Variants in PCDHA9 observed in about 807,000 individuals in gnomAD.
PCDHA9 encodes the protein protocadherin alpha-9.
A neutral mutation model predicts 62.0 loss-of-function variants in PCDHA9; 62 were observed. The ratio of observed to expected loss-of-function variants is 1.00; its 90% CI spans 0.81 to 1.23. PCDHA9 has a LOEUF of 1.23. Among genes scored for constraint, PCDHA9 ranks in the 50% most tolerant of loss-of-function variants. The pLI, the probability that PCDHA9 is intolerant of heterozygous loss-of-function variation, is 0.00. For synonymous variants in PCDHA9, 557 were observed against 567.6 expected, an observed-to-expected ratio of 0.98 and a Z score of 0.27; for missense variants, 1,205 against 1,249.8, an observed-to-expected ratio of 0.96 and a Z score of 0.54.
chr5:140,973,126 T>C (rs1554234908), intron 1 of PCDHA9, among the ~76,000 whole-genome samples: 1 of 152,144 alleles, frequency 6.6e-6, no homozygotes, highest in Non-Finnish European at 1.5e-5. Flanking sequence ...ATGAATTAAG[T>C]TTGCATTCAC....
At chr5:140,876,039 T>C in intron 1 of PCDHA9, 1 of 1,613,746 alleles carries the variant, frequency 6.2e-7, no homozygotes, top group Non-Finnish European at 8.5e-7. Context: ...AAGATAAAAG[T>C]ATATTGCCTG....
At chr5:140,961,876 T>G (rs929753490) in intron 1 of PCDHA9, among the ~76,000 whole-genome samples, 1 of 151,746 alleles carries the variant, frequency 6.6e-6, no homozygotes, top group South Asian at 2.1e-4. Context: ...ATAATTGACT[T>G]ACTTACATCA....
In PCDHA9 at chr5:140,862,738, T is replaced by C. The variant is rs189052602; in HGVS notation, c.2394+11849T>C. 560 of 577,110 alleles carry C rather than the reference T, an allele frequency of 9.7e-4. 3 individuals are homozygous for C. The highest frequency in any genetic ancestry group is 1.5e-3 in the Non-Finnish European group (445 of 297,984). 35.7% of individuals were successfully genotyped at this position (577,110 alleles called of 1,614,324 possible). ...CGAGTGCGCGCTGTCTAGCTATGTG[T>C]GGGTGCACGCGGAGAGCGGCAAGAG... On this transcript the variant is annotated intron_variant, in intron 1 of 3. Coordinates refer to ENST00000532602, the MANE Select transcript of PCDHA9 (RefSeq NM_031857.2).
At chr5:140,911,620 C>T (rs2075566183) in intron 1 of PCDHA9, among the ~76,000 whole-genome samples, 1 of 152,146 alleles carries the variant, frequency 6.6e-6, no homozygotes, top group Non-Finnish European at 1.5e-5. Context: ...CTTAGTTCCC[C>T]ACATATGGTC....
chr5:141,010,260 C>T lies in PCDHA9; in HGVS notation c.*323C>T, dbSNP rs906685521. The stretch of plus-strand genomic sequence containing the variant: ...GAGAGGTTGGACTCTCTGCCCTGTG[C>T]TCCGGGGATCCTGTCTTGATGACAC... On this transcript the variant is annotated 3_prime_UTR_variant, in exon 4 of 4. Transcript: ENST00000532602. 6.4e-7 allele frequency: 1 copy of T among 1,551,674 alleles called. No individual in the cohort carries two copies. The highest frequency in any genetic ancestry group is 1.4e-5 in the African/African-American group (1 of 73,028).
chr5:140,893,795 C>T (rs1030354295), intron 1 of PCDHA9, among the ~76,000 whole-genome samples: 34 of 152,002 alleles, frequency 2.2e-4, no homozygotes, highest in African/African-American at 7.7e-4. Context: ...TTAGAATTCC[C>T]TCCTTGTCTT....
At chr5:140,996,129 G>A (rs190965499) in intron 3 of PCDHA9, among the ~76,000 whole-genome samples, 1 of 152,210 alleles carries the variant, frequency 6.6e-6, no homozygotes, top group Non-Finnish European at 1.5e-5. Flanking sequence ...TGGTGTAGAG[G>A]GTTCTCCCAT....
At chr5:140,974,931 A>G (rs555720345) in intron 1 of PCDHA9, among the ~76,000 whole-genome samples, 1 of 152,324 alleles carries the variant, frequency 6.6e-6, no homozygotes, top group African/African-American at 2.4e-5. Context: ...TGTTTAAAAC[A>G]CCACCTATTT....
intron 1 of PCDHA9, chr5:140,967,316 A>G (rs368129984): frequency 4.3e-6 from 7 of 1,610,310 alleles, no homozygotes; most frequent in African/African-American, 4.0e-5. Context: ...CTCAGTACAG[A>G]CCTACGAGCT....
At chr5:140,936,863 A>G (rs1177234152) in intron 1 of PCDHA9, among the ~76,000 whole-genome samples, 1 of 152,120 alleles carries the variant, frequency 6.6e-6, no homozygotes, top group East Asian at 1.9e-4. Context: ...CTCAGTTTCT[A>G]TTTTAAAAAA....
chr5:140,848,851 T>C lies in PCDHA9; in HGVS notation c.356T>C (p.Val119Ala), dbSNP rs2150422604. ...IVDRPLQVFH[V>A]DVEVKDINDN... ...GACAGGCCGCTGCAGGTTTTCCATG[T>C]GGACGTGGAGGTGAAGGACATTAAC... is the stretch of plus-strand genomic sequence containing the variant. Residue 119 changes from valine to alanine, a missense_variant, in exon 1 of 4, where the codon GTG becomes GCG. Physicochemically the swap from Val to Ala is moderately conservative, Grantham distance 64 (BLOSUM62 0). Coordinates refer to ENST00000532602, the MANE Select transcript of PCDHA9 (RefSeq NM_031857.2). 2.7e-5 allele frequency: 43 copies of C among 1,590,598 alleles called. 4 individuals carry two copies. The Middle Eastern group carries it at 5.0e-4, about 19-fold the overall frequency.
chr5:141,009,606 T>C (rs2098413036), intron 3 of PCDHA9, 21 bp from the exon 4 acceptor site: 1 of 1,609,858 alleles, frequency 6.2e-7, no homozygotes, highest in Non-Finnish European at 8.5e-7. Flanking sequence ...TGTTAATGAT[T>C]TGTAATGTTT....
chr5:140,879,125 A>C (rs1251255000), intron 1 of PCDHA9, among the ~76,000 whole-genome samples: 2 of 152,244 alleles, frequency 1.3e-5, no homozygotes, highest in African/African-American at 2.4e-5. Flanking sequence ...GGATTAGAGC[A>C]GGGGAGATTG....
chr5:140,851,152 C>A, intron 1 of PCDHA9: 2 of 1,305,064 alleles, frequency 1.5e-6, no homozygotes, highest in Non-Finnish European at 2.0e-6. Context: ...CATTGAATTT[C>A]TGATGCTATG....
chr5:140,871,535 G>T (rs577559822), intron 1 of PCDHA9: 2 of 1,514,054 alleles, frequency 1.3e-6, no homozygotes, highest in Admixed American at 4.8e-5. Flanking sequence ...AAGTGTATGT[G>T]AAATTATTTA....
At chr5:140,870,912 C>A in intron 1 of PCDHA9, 1 of 1,613,952 alleles carries the variant, frequency 6.2e-7, no homozygotes, top group South Asian at 1.1e-5. Context: ...CAGGCTACAA[C>A]GCGTGGCTTT....
intron 2 of PCDHA9, among the ~76,000 whole-genome samples, chr5:140,980,478 A>G (rs1186753725): frequency 2.6e-5 from 4 of 152,172 alleles, no homozygotes; most frequent in African/African-American, 4.8e-5. Context: ...AAAAATACAA[A>G]AATTAGCTGG....
intron 1 of PCDHA9, among the ~76,000 whole-genome samples, chr5:140,893,478 C>T (rs1365540423): frequency 2.6e-5 from 4 of 151,996 alleles, no homozygotes; most frequent in African/African-American, 9.7e-5. Flanking sequence ...CATAGCAAGA[C>T]CCTGTTCTTC....
intron 1 of PCDHA9, chr5:140,856,754 G>T: frequency 6.3e-7 from 1 of 1,596,774 alleles, no homozygotes; most frequent in Non-Finnish European, 8.6e-7. Context: ...AGATGCCAAT[G>T]ATAACGCCCC....
Sources: allele counts gnomAD v4.1 joint callset (sites outside exome capture counted in the v4.1 genomes callset), GRCh38; gene constraint gnomAD v4.1.1; transcripts MANE v1.5; gene names NCBI Gene and HGNC (gene_info 2026-07-23, HGNC 2026-07-21).